Variants in LRIG1 observed in about 807,000 individuals in gnomAD.
LRIG1 encodes leucine-rich repeats and immunoglobulin-like domains protein 1.
A neutral mutation model predicts 99.2 loss-of-function variants in LRIG1; 48 were observed. The ratio of observed to expected loss-of-function variants is 0.48; its 90% CI spans 0.38 to 0.62. LRIG1 has a LOEUF of 0.62. Among genes scored for constraint, LRIG1 ranks in the 20% least tolerant of loss-of-function variants. The pLI is 0.00. For synonymous variants in LRIG1, 772 were observed against 596.1 expected (o/e 1.29, Z -4.30); for missense variants, 1,646 against 1,434.4 (o/e 1.15, Z -2.38).
chr3:66,479,573 T>A (rs1186680057), intron 1 of LRIG1, among the ~76,000 whole-genome samples: 1 of 152,222 alleles, frequency 6.6e-6, no homozygotes, highest in Non-Finnish European at 1.5e-5. Context: ...TTTCTAAACA[T>A]GCTCTGCTTA....
Position 66,462,488 on chromosome 3 carries a change from G to C in LRIG1, c.240C>G (p.Leu80=), listed in dbSNP as rs957033010. 1 of 1,612,396 alleles carries C rather than the reference G, an allele frequency of 6.2e-7. No individual in the cohort carries two copies. Among genetic ancestry groups the C allele is most frequent in the African/African-American group, 1.3e-5 (1 of 74,986 alleles). Residue 80 remains leucine (L), a synonymous_variant, in exon 2 of 19, where the codon CTC becomes CTG. Transcript: ENST00000273261. ...TRSLNLSYNK[L]SEIDPAGFED... ...CAAAACCAGCAGGGTCAATCTCAGA[G>C]AGTTTGTTGTAACTCAGGTTTCTGG...
intron 1 of LRIG1, among the ~76,000 whole-genome samples, chr3:66,475,882 G>T (rs1390047709): frequency 6.6e-6 from 1 of 152,176 alleles, no homozygotes; most frequent in African/African-American, 2.4e-5. Flanking sequence ...ATTCACGATG[G>T]TATAAACCAG....
chr3:66,461,294 GACCCTGTCTTAA>G (rs1700349184), intron 2 of LRIG1, among the ~76,000 whole-genome samples: 1 of 152,116 alleles, frequency 6.6e-6, no homozygotes, highest in South Asian at 2.1e-4. Context: ...AACAGAGCGA[GACCCTGTCTTAA>G]ACAAACAAAC....
intron 1 of LRIG1, chr3:66,468,884 A>G (rs1700534914): frequency 6.6e-6 from 1 of 152,226 alleles, no homozygotes; most frequent in Non-Finnish European, 1.5e-5. Context: ...CATAGTACAC[A>G]TCAAGCTCCA....
intron 1 of LRIG1, among the ~76,000 whole-genome samples, chr3:66,490,597 C>T (rs1040159166): frequency 3.3e-5 from 5 of 152,066 alleles, no homozygotes; most frequent in Non-Finnish European, 5.9e-5. Flanking sequence ...CAGAACAGCA[C>T]TTAATTTCAT....
chr3:66,454,776 T>C (rs1700172590), intron 2 of LRIG1, among the ~76,000 whole-genome samples: 1 of 152,168 alleles, frequency 6.6e-6, no homozygotes, highest in Non-Finnish European at 1.5e-5. Context: ...GCTTGGACCT[T>C]CTGGTCCCTC....
intron 1 of LRIG1, among the ~76,000 whole-genome samples, chr3:66,486,734 C>T (rs1443159031): frequency 6.6e-6 from 1 of 152,210 alleles, no homozygotes; most frequent in African/African-American, 2.4e-5. Context: ...ATCACAGACT[C>T]ACGTCCAATC....
At chr3:66,457,954 A>C (rs1700267674) in intron 2 of LRIG1, among the ~76,000 whole-genome samples, 1 of 152,182 alleles carries the variant, frequency 6.6e-6, no homozygotes, top group Non-Finnish European at 1.5e-5. Context: ...TCTTCAGTTG[A>C]CTGTGAGAGT....
intron 9 of LRIG1, 51 bp downstream of exon 9, chr3:66,405,147 C>A: frequency 6.5e-7 from 1 of 1,530,286 alleles, no homozygotes; most frequent in Non-Finnish European, 9.0e-7. Context: ...ATCTCCCACC[C>A]AAGTGTGTCC....
chr3:66,386,753 C>T (rs765128574), intron 12 of LRIG1: 144 of 153,488 alleles, frequency 9.4e-4, no homozygotes, highest in Non-Finnish European at 8.5e-4. Flanking sequence ...TCCATTAAAA[C>T]AAGGAAAACA....
At chr3:66,495,094 G>C (rs189705820) in intron 1 of LRIG1, among the ~76,000 whole-genome samples, 2 of 152,164 alleles carry the variant, frequency 1.3e-5, no homozygotes, top group African/African-American at 4.8e-5. Flanking sequence ...TGAAACAAAA[G>C]CACAAGATAA....
At chr3:66,467,346 C>T (rs1213941735) in intron 1 of LRIG1, among the ~76,000 whole-genome samples, 1 of 149,604 alleles carries the variant, frequency 6.7e-6, no homozygotes, top group East Asian at 2.0e-4. Context: ...AGTTCCTTGG[C>T]CACACTAGCT....
chr3:66,463,668 T>A (rs1700407032), intron 1 of LRIG1, among the ~76,000 whole-genome samples: 1 of 152,194 alleles, frequency 6.6e-6, no homozygotes. Context: ...CCAAAGAGGT[T>A]AACATTTTTC....
rs756702438 is a variant in LRIG1, at chr3:66,500,376, G to C, written c.32C>G (p.Ala11Gly). ...GAGAAGGCAAGGCGAGCGGCGCGGG[G>C]CCCCGAGCCCTCCCCGGACCGGCCG... MARPVRGGLG[A>G]PRRSPCLLLL... The change falls in exon 1 of 19, where the codon GCC (alanine) becomes GGC (glycine). Residue 11 changes from alanine to glycine, a missense_variant. Ala to Gly is a moderately conservative substitution (Grantham distance 60, BLOSUM62 0). Coordinates refer to ENST00000273261, the MANE Select transcript of LRIG1 (RefSeq NM_015541.3). 1 of 1,470,396 alleles carries C rather than the reference G, an allele frequency of 6.8e-7. No individual in the cohort carries two copies. The highest frequency in any genetic ancestry group is 2.6e-5 in the Admixed American group (1 of 37,994). The allele number at this position is 1,470,396 out of a possible 1,614,324, so 91.1% of individuals were successfully genotyped here. A position where few individuals can be genotyped will look rare whatever the true frequency, so the allele number is the denominator to read the frequency against.
At chr3:66,417,962 C>A (rs895638322) in intron 3 of LRIG1, among the ~76,000 whole-genome samples, 1 of 152,168 alleles carries the variant, frequency 6.6e-6, no homozygotes, top group Non-Finnish European at 1.5e-5. Context: ...CACAACCCAT[C>A]ACTTCAGGGA....
At chr3:66,487,865 C>G (rs535781300) in intron 1 of LRIG1, among the ~76,000 whole-genome samples, 3 of 152,260 alleles carry the variant, frequency 2.0e-5, no homozygotes, top group East Asian at 3.9e-4. Flanking sequence ...TTTGGACACT[C>G]TATTCCTAAA....
At chr3:66,395,688 G>C (rs1701820836) in intron 11 of LRIG1, among the ~76,000 whole-genome samples, 1 of 152,228 alleles carries the variant, frequency 6.6e-6, no homozygotes, top group East Asian at 1.9e-4. Flanking sequence ...AGTCACTGCA[G>C]GTGGCGGAAG....
intron 9 of LRIG1, chr3:66,401,694 A>G: frequency 1.3e-6 from 2 of 1,521,162 alleles, no homozygotes; most frequent in Admixed American, 2.0e-5. Flanking sequence ...CTGCCAGGAG[A>G]AAGGAGAGGC....
intron 9 of LRIG1, 108 bp from the exon 10 acceptor site, chr3:66,399,149 C>T (rs1701965657): frequency 1.1e-6 from 1 of 889,332 alleles, no homozygotes; most frequent in Non-Finnish European, 1.8e-6. Flanking sequence ...GTAGTGCTAC[C>T]TGATAAGTCT....
Sources: allele counts gnomAD v4.1 joint callset (sites outside exome capture counted in the v4.1 genomes callset), GRCh38; gene constraint gnomAD v4.1.1; transcripts MANE v1.5; gene names NCBI Gene and HGNC (gene_info 2026-07-23, HGNC 2026-07-21).